Variants in DNAH3 observed in about 807,000 individuals in gnomAD.
DNAH3 encodes dynein axonemal heavy chain 3, also known as axonemal beta dynein heavy chain 3.
In DNAH3, 332 loss-of-function variants were observed where a neutral mutation model predicts 432.5. The observed-to-expected ratio is 0.77, with a 90% CI of 0.70 to 0.84. The LOEUF is 0.84. DNAH3 is among the 40% of genes least tolerant of loss of function. The pLI is 0.00. For missense variants in DNAH3, 4,861 were observed against 5,114.0 expected (o/e 0.95, Z 1.51); for synonymous variants, 1,956 against 1,900.2 (o/e 1.03, Z -0.76).
intron 12 of DNAH3, 34 bp from the exon 13 acceptor site, chr16:21,112,132 A>C (rs2092090549): frequency 1.4e-6 from 2 of 1,445,470 alleles, no homozygotes; most frequent in Non-Finnish European, 1.9e-6. Flanking sequence ...TCAAACACAC[A>C]AATATAAGTC....
At chr16:21,018,711 G>A (rs1286129949) in intron 41 of DNAH3, among the ~76,000 whole-genome samples, 4 of 152,024 alleles carry the variant, frequency 2.6e-5, no homozygotes, top group African/African-American at 9.7e-5. Flanking sequence ...CCTAGCCAAT[G>A]TGGTGAAACC....
intron 21 of DNAH3, 134 bp downstream of exon 21, chr16:21,075,313 G>A: frequency 1.4e-6 from 1 of 690,390 alleles, no homozygotes; most frequent in Non-Finnish European, 2.6e-6. Context: ...AAGGCAGACA[G>A]TAGGAAACAA....
intron 16 of DNAH3, among the ~76,000 whole-genome samples, chr16:21,099,444 A>G (rs2091780970): frequency 6.6e-6 from 1 of 152,246 alleles, no homozygotes; most frequent in Admixed American, 6.5e-5. Flanking sequence ...TACAGTGACC[A>G]GGAGAGACCT....
At chr16:21,079,974 T>G (rs1246876060) in intron 20 of DNAH3, among the ~76,000 whole-genome samples, 3 of 152,210 alleles carry the variant, frequency 2.0e-5, no homozygotes, top group Non-Finnish European at 4.4e-5. Flanking sequence ...CAGAATCGCC[T>G]GGAGCAGTGC....
intron 54 of DNAH3, among the ~76,000 whole-genome samples, chr16:20,956,487 T>G (rs2084570602): frequency 6.6e-6 from 1 of 152,176 alleles, no homozygotes; most frequent in Non-Finnish European, 1.5e-5. Context: ...TCCAGCCCTC[T>G]TCACTCATTT....
At chr16:20,980,089 C>CT (rs1166572903) in intron 49 of DNAH3, among the ~76,000 whole-genome samples, 1 of 150,100 alleles carries the variant, frequency 6.7e-6, no homozygotes, top group African/African-American at 2.5e-5. Flanking sequence ...TCACTGATCC[C>CT]TTTGATGAAT....
At chr16:20,960,697 T>A (rs2084779514) in intron 53 of DNAH3, among the ~76,000 whole-genome samples, 1 of 152,046 alleles carries the variant, frequency 6.6e-6, no homozygotes, top group African/African-American at 2.4e-5. Context: ...ACAGCAAGAC[T>A]CCATCTCAAA....
chr16:21,051,978 T>C, intron 28 of DNAH3, 110 bp from the exon 29 acceptor site: 3 of 704,720 alleles, frequency 4.3e-6, no homozygotes, highest in Non-Finnish European at 6.7e-6. Context: ...TTCTCCAAAC[T>C]ATTTTATTTT....
At chr16:21,022,180 A>C (rs1686659111) in intron 39 of DNAH3, 80 bp from the exon 40 acceptor site, 1 of 1,488,338 alleles carries the variant, frequency 6.7e-7, no homozygotes, top group Non-Finnish European at 9.3e-7. Flanking sequence ...CTACCTTGTG[A>C]GGCTAGAGAT....
chr16:20,985,096 T>C (rs2086124370), exon 48 of DNAH3: 1 of 1,613,728 alleles, frequency 6.2e-7, no homozygotes, highest in Admixed American at 1.7e-5. Flanking sequence ...AAAGAAGTTA[T>C]ACATAGAAAG....
At chr16:20,985,004 A>C in intron 48 of DNAH3, 45 bp downstream of exon 48, 1 of 1,522,154 alleles carries the variant, frequency 6.6e-7, no homozygotes, top group South Asian at 1.3e-5. Flanking sequence ...GAAGACCCCA[A>C]AACACCCAGA....
intron 52 of DNAH3, among the ~76,000 whole-genome samples, chr16:20,969,105 T>A (rs2085201337): frequency 6.6e-6 from 1 of 150,938 alleles, no homozygotes; most frequent in African/African-American, 2.4e-5. Context: ...TGTGTGTGTG[T>A]GTGTGTGTGT....
Position 20,933,306 on chromosome 16 carries a change from A to C in DNAH3, c.12199T>G (p.Cys4067Gly), listed in dbSNP as rs1201961984. 4 of 1,614,062 alleles carry C rather than the reference A, an allele frequency of 2.5e-6. No individual in the cohort carries two copies. In the East Asian group the frequency reaches 6.7e-5, roughly 27 times the overall value. The change falls in exon 62 of 62, where the codon TGT becomes GGT. Residue 4067 changes from cysteine to glycine, a missense_variant. By Grantham distance (159) the Cys-to-Gly change is radical (BLOSUM62 -3). Coordinates refer to ENST00000261383, the Ensembl canonical transcript of DNAH3. ...CGGGCACTTGTTTTGTAGACTGGAC[A>C]CACATAGATGTCCTGATGCAGAAAC...
intron 41 of DNAH3, among the ~76,000 whole-genome samples, chr16:21,013,287 T>C (rs2087695942): frequency 6.6e-6 from 1 of 151,762 alleles, no homozygotes; most frequent in Admixed American, 6.6e-5. Context: ...CCCAGCACTT[T>C]AGGAAGGTGA....
At chr16:21,075,493 A>G (rs375858211) in exon 21 of DNAH3, 1 of 1,614,120 alleles carries the variant, frequency 6.2e-7, no homozygotes, top group Non-Finnish European at 8.5e-7. Context: ...AACCCAATCC[A>G]ACTTCATTCT....
intron 32 of DNAH3, among the ~76,000 whole-genome samples, chr16:21,040,939 C>A (rs985874640): frequency 6.6e-6 from 1 of 152,174 alleles, no homozygotes; most frequent in Non-Finnish European, 1.5e-5. Flanking sequence ...AGAGCCAGGG[C>A]TAGAATCTAG....
chr16:21,139,908 T>C (rs1781331666), intron 5 of DNAH3, among the ~76,000 whole-genome samples: 1 of 150,796 alleles, frequency 6.6e-6, no homozygotes, highest in Non-Finnish European at 1.5e-5. Flanking sequence ...GCCTCCCGAG[T>C]AGCTGAAATT....
rs769668710 is a variant in DNAH3 at position 21,087,099 on chromosome 16, T to G, written c.2666-39A>C. 20 of 1,535,638 alleles carry G rather than the reference T, an allele frequency of 1.3e-5. 1 individual carries two copies. The highest frequency in any genetic ancestry group is 1.8e-5 in the Non-Finnish European group (20 of 1,110,196). On this transcript the variant is annotated intron_variant, in intron 18 of 61. Coordinates refer to ENST00000261383, the Ensembl canonical transcript of DNAH3. ...GTGAGGGAAAGGTCAGACCATCATGTGGATGTTAGTCATGCGTACCTTTAA... is the reference window on the plus strand; with the variant it reads ...GTGAGGGAAAGGTCAGACCATCATGGGGATGTTAGTCATGCGTACCTTTAA...
At chr16:21,151,890 A>G (rs1283747995) in intron 1 of DNAH3, among the ~76,000 whole-genome samples, 1 of 151,824 alleles carries the variant, frequency 6.6e-6, no homozygotes, top group Non-Finnish European at 1.5e-5. Flanking sequence ...TTTTCATTCA[A>G]TTTCCCCCCA....
Sources: allele counts gnomAD v4.1 joint callset (sites outside exome capture counted in the v4.1 genomes callset), GRCh38; gene constraint gnomAD v4.1.1; transcripts MANE v1.5; gene names NCBI Gene and HGNC (gene_info 2026-07-23, HGNC 2026-07-21).